The following BTAF1 variants were observed in gnomAD, a reference collection of about 807,000 sequenced individuals.
BTAF1 encodes TATA-binding protein-associated factor 172.
In BTAF1, 38 loss-of-function variants were observed where a neutral mutation model predicts 227.1. The observed-to-expected ratio is 0.17, with a 90% CI of 0.13 to 0.22. BTAF1 has a LOEUF of 0.22. Ranked by LOEUF, BTAF1 falls within the 10% of genes least tolerant of loss-of-function variation. BTAF1 has a pLI of 1.00. For missense variants in BTAF1, 1,598 were observed against 2,204.0 expected (o/e 0.73, Z 5.51); for synonymous variants, 742 against 751.9 (o/e 0.99, Z 0.21).
intron 4 of BTAF1, among the ~76,000 whole-genome samples, chr10:91,943,341 G>GTCCTAATT (rs1485814392): frequency 3.4e-4 from 51 of 152,026 alleles, no homozygotes; most frequent in African/African-American, 1.2e-3. Flanking sequence ...ATACCGGATA[G>GTCCTAATT]GTATTGTCCT....
At chr10:91,994,764 T>A in intron 23 of BTAF1, 120 bp downstream of exon 23, 1 of 802,426 alleles carries the variant, frequency 1.2e-6, no homozygotes, top group Non-Finnish European at 2.0e-6. Context: ...TTTTCTTTGC[T>A]GTGGTATAAC....
chr10:92,019,891 GTTTTT>G (rs11406652), intron 34 of BTAF1, among the ~76,000 whole-genome samples: 1 of 139,410 alleles, frequency 7.2e-6, no homozygotes, highest in Non-Finnish European at 1.5e-5. Flanking sequence ...TGTTGTTGCT[GTTTTT>G]TTTTTTTTTT....
intron 17 of BTAF1, 77 bp from the exon 18 acceptor site, chr10:91,982,510 T>C: frequency 6.7e-7 from 1 of 1,483,954 alleles, no homozygotes; most frequent in Middle Eastern, 2.1e-4. Context: ...TATAGGAAAT[T>C]GAAAAAATTT....
At chr10:91,958,472 C>T (rs1431294803) in intron 8 of BTAF1, among the ~76,000 whole-genome samples, 1 of 151,868 alleles carries the variant, frequency 6.6e-6, no homozygotes, top group Non-Finnish European at 1.5e-5. Context: ...GAGGCTGAGG[C>T]GGACAGATCG....
chr10:91,929,511 A>G (rs183055345), intron 1 of BTAF1, among the ~76,000 whole-genome samples: 9 of 152,318 alleles, frequency 5.9e-5, no homozygotes, highest in Admixed American at 5.2e-4. Context: ...ACCTTTGCTC[A>G]ATTTTGTTAA....
intron 24 of BTAF1, chr10:91,997,234 G>A: frequency 1.0e-6 from 1 of 989,362 alleles, no homozygotes; most frequent in Non-Finnish European, 1.4e-6. Flanking sequence ...ATTAATCTTT[G>A]AGTGACACTC....
chr10:91,935,117 GTAT>G (rs1340085774), intron 1 of BTAF1: 3 of 152,132 alleles, frequency 2.0e-5, no homozygotes, highest in Non-Finnish European at 4.4e-5. Flanking sequence ...TTTAGAAAAA[GTAT>G]TATTTTAATT....
intron 34 of BTAF1, among the ~76,000 whole-genome samples, chr10:92,023,249 A>T (rs1401421436): frequency 1.3e-5 from 2 of 152,296 alleles, no homozygotes; most frequent in Non-Finnish European, 1.5e-5. Flanking sequence ...TCTGAGGAAA[A>T]CAGTGTCCTT....
intron 14 of BTAF1, among the ~76,000 whole-genome samples, chr10:91,974,987 A>G (rs1283612658): frequency 6.6e-6 from 1 of 152,196 alleles, no homozygotes; most frequent in Non-Finnish European, 1.5e-5. Context: ...TTGTCTCTTT[A>G]GCCAGTGTGT....
chr10:91,996,590 A>G lies in BTAF1; in HGVS notation c.3511+20A>G, dbSNP rs1468316974. The stretch of plus-strand genomic sequence containing the variant: ...TTGCCTGTATCCTTTTTCATTTGAC[A>G]AACTGTTCAGGAATTATATTCATTT... On this transcript the variant is annotated intron_variant, in intron 24 of 37. Transcript: ENST00000265990. 1 of 1,607,540 alleles carries G rather than the reference A, an allele frequency of 6.2e-7. No homozygotes were observed. The highest frequency in any genetic ancestry group is 2.2e-5 in the East Asian group (1 of 44,844).
intron 34 of BTAF1, among the ~76,000 whole-genome samples, chr10:92,022,133 C>T (rs1264648157): frequency 6.6e-6 from 1 of 152,090 alleles, no homozygotes; most frequent in East Asian, 1.9e-4. Context: ...GTGAGAATAC[C>T]AGAGTATCAA....
At chr10:91,956,060 T>C (rs796183600) in intron 6 of BTAF1, among the ~76,000 whole-genome samples, 37 of 152,350 alleles carry the variant, frequency 2.4e-4, no homozygotes, top group African/African-American at 8.4e-4. Flanking sequence ...TCAAATTTTC[T>C]ATATCCTTTT....
At chr10:92,018,028 A>G (rs931032233) in intron 33 of BTAF1, among the ~76,000 whole-genome samples, 1 of 152,112 alleles carries the variant, frequency 6.6e-6, no homozygotes, top group Non-Finnish European at 1.5e-5. Context: ...CCCTCCTCTC[A>G]TCTACTGAAT....
intron 14 of BTAF1, among the ~76,000 whole-genome samples, chr10:91,971,576 G>A (rs752970523): frequency 2.7e-5 from 4 of 149,854 alleles, no homozygotes; most frequent in Admixed American, 2.0e-4. Context: ...GGGTTCAAAC[G>A]ATTTCCTTCC....
At chr10:92,008,088 C>A (rs550666060) in intron 25 of BTAF1, 35 bp from the exon 26 acceptor site, 2 of 1,527,640 alleles carry the variant, frequency 1.3e-6, no homozygotes, top group Admixed American at 2.4e-5. Context: ...ACTGTGAGTA[C>A]GTAGTTTTTA....
chr10:91,985,254 A>G (rs887608673), intron 19 of BTAF1, among the ~76,000 whole-genome samples: 4 of 152,072 alleles, frequency 2.6e-5, no homozygotes, highest in African/African-American at 9.7e-5. Flanking sequence ...TCTTTGGTGT[A>G]AGGATTTTTC....
At chr10:91,991,789 GTGTGTGTGTATATATATATATATA>G (rs1448165159) in intron 20 of BTAF1, among the ~76,000 whole-genome samples, 70 of 77,738 alleles carry the variant, frequency 9.0e-4, no homozygotes, top group Middle Eastern at 5.6e-3. Context: ...GTGTGTGTGT[GTGTGTGTGTATATATATATATATA>G]TATATATATA....
intron 25 of BTAF1, among the ~76,000 whole-genome samples, chr10:92,006,008 G>T (rs1300746588): frequency 6.6e-6 from 1 of 151,704 alleles, no homozygotes; most frequent in African/African-American, 2.4e-5. Context: ...CAAGAAGCTG[G>T]GACTACAGTC....
intron 1 of BTAF1, among the ~76,000 whole-genome samples, chr10:91,934,734 T>A (rs1000484685): frequency 1.3e-5 from 2 of 152,202 alleles, no homozygotes; most frequent in Non-Finnish European, 2.9e-5. Context: ...GCAACCAAAC[T>A]GTTATTCATT....
Sources: allele counts gnomAD v4.1 joint callset (sites outside exome capture counted in the v4.1 genomes callset), GRCh38; gene constraint gnomAD v4.1.1; transcripts MANE v1.5; gene names NCBI Gene and HGNC (gene_info 2026-07-23, HGNC 2026-07-21).